RANBP2: variants seen among roughly 807,000 people sequenced by gnomAD.
RANBP2 encodes RAN binding protein 2.
In RANBP2, 57 loss-of-function variants were observed where a neutral mutation model predicts 303.6. The ratio of observed to expected loss-of-function variants is 0.19; its 90% CI spans 0.15 to 0.23. RANBP2 has a LOEUF of 0.23. Among genes scored for constraint, RANBP2 ranks in the 10% least tolerant of loss-of-function variants. RANBP2 has a pLI of 1.00. For missense variants in RANBP2, 3,138 were observed against 3,780.8 expected (o/e 0.83, Z 4.46); for synonymous variants, 1,167 against 1,301.5 (o/e 0.90, Z 2.23).
chr2:109,010,613 G>T, the RANBP2 span, among the ~76,000 whole-genome samples: 1 of 152,116 alleles, frequency 6.6e-6, no homozygotes, highest in Admixed American at 6.5e-5. Context: ...GAGCTCTGGG[G>T]TCTCTTCTCT....
chr2:109,347,406 A>G, the RANBP2 span, among the ~76,000 whole-genome samples: 1 of 152,058 alleles, frequency 6.6e-6, no homozygotes, highest in African/African-American at 2.4e-5. Flanking sequence ...TTTGCACAGA[A>G]TGAGGTTGTC....
At chr2:109,385,127 G>A in the RANBP2 span, among the ~76,000 whole-genome samples, 2 of 152,174 alleles carry the variant, frequency 1.3e-5, no homozygotes, top group Non-Finnish European at 2.9e-5. Context: ...CCCTGCCCAC[G>A]TTGGCATCAG....
At chr2:109,737,712 T>C in the RANBP2 span, among the ~76,000 whole-genome samples, 1 of 152,324 alleles carries the variant, frequency 6.6e-6, no homozygotes, top group East Asian at 1.9e-4. Flanking sequence ...AAGAATTCCC[T>C]TTAATCTGCA....
At chr2:109,252,680 C>T in the RANBP2 span, among the ~76,000 whole-genome samples, 1 of 152,220 alleles carries the variant, frequency 6.6e-6, no homozygotes, top group Non-Finnish European at 1.5e-5. Flanking sequence ...CCTCATAGCT[C>T]AGCCTAGCCT....
chr2:109,184,886 C>T, the RANBP2 span, among the ~76,000 whole-genome samples: 2 of 152,074 alleles, frequency 1.3e-5, no homozygotes, highest in African/African-American at 2.4e-5. Flanking sequence ...GGTCCCTCAG[C>T]GAAAAAGGCC....
At chr2:109,674,157 T>C in the RANBP2 span, among the ~76,000 whole-genome samples, 3 of 152,136 alleles carry the variant, frequency 2.0e-5, no homozygotes, top group Admixed American at 6.5e-5. Flanking sequence ...TGTTTCTTGA[T>C]GCCAGCTTCT....
chr2:109,418,338 T>C, the RANBP2 span, among the ~76,000 whole-genome samples: 2 of 152,028 alleles, frequency 1.3e-5, no homozygotes, highest in Non-Finnish European at 2.9e-5. Flanking sequence ...TACCACAAAC[T>C]AGGTGGCTAA....
rs375351925 is a variant in RANBP2, at chr2:108,764,124, T to C, written c.3585T>C (p.Phe1195=). 59 of 1,613,936 alleles carry C rather than the reference T, an allele frequency of 3.7e-5. No homozygotes were observed. The highest frequency in any genetic ancestry group is 1.6e-4 in the Middle Eastern group (1 of 6,084). ...KTGEEDEEEF[F]CNRAKLFRFD... ...GTGAGGAAGATGAAGAAGAATTCTT[T>C]TGCAACCGCGCGAAATTGTTTCGTT... Residue 1195 remains phenylalanine, a synonymous_variant, in exon 20 of 29, where the codon TTT becomes TTC. Coordinates refer to ENST00000283195, the MANE Select transcript of RANBP2 (RefSeq NM_006267.5).
At chr2:109,287,212 C>G in the RANBP2 span, among the ~76,000 whole-genome samples, 2 of 152,078 alleles carry the variant, frequency 1.3e-5, no homozygotes, top group African/African-American at 4.8e-5. Flanking sequence ...TTAAATTTTT[C>G]CAAGGGACTT....
chr2:109,446,439 A>G, the RANBP2 span, among the ~76,000 whole-genome samples: 46 of 152,328 alleles, frequency 3.0e-4, no homozygotes, highest in African/African-American at 1.1e-3. Context: ...TCCAGCGAAC[A>G]TGTAAATTAC....
chr2:108,929,440 G>C, the RANBP2 span: 1 of 1,553,968 alleles, frequency 6.4e-7, no homozygotes, highest in East Asian at 2.2e-5. Flanking sequence ...ATACGGACTC[G>C]GCCCACAGTC....
chr2:109,607,186 A>C, the RANBP2 span, among the ~76,000 whole-genome samples: 117 of 152,316 alleles, frequency 7.7e-4, no homozygotes, highest in African/African-American at 2.8e-3. Flanking sequence ...TCACACAAAT[A>C]ATTTGTATTT....
chr2:109,161,819 T>A, the RANBP2 span, among the ~76,000 whole-genome samples: 1 of 151,940 alleles, frequency 6.6e-6, no homozygotes, highest in Admixed American at 6.6e-5. Context: ...TCATAGGGGA[T>A]GCAAATACCT....
the RANBP2 span, among the ~76,000 whole-genome samples, chr2:109,336,406 T>A: frequency 2.6e-5 from 4 of 152,338 alleles, no homozygotes; most frequent in Non-Finnish European, 5.9e-5. Context: ...CTCACTAGCA[T>A]GCAAAATACA....
the RANBP2 span, among the ~76,000 whole-genome samples, chr2:109,641,807 T>C: frequency 1.3e-5 from 2 of 152,118 alleles, no homozygotes; most frequent in East Asian, 3.9e-4. Context: ...AATGTGAATG[T>C]ATTTTATTTT....
At chr2:108,901,369 G>A in the RANBP2 span, among the ~76,000 whole-genome samples, 1 of 152,066 alleles carries the variant, frequency 6.6e-6, no homozygotes, top group Non-Finnish European at 1.5e-5. Flanking sequence ...TACATACAAA[G>A]GAGGAAAACT....
At chr2:109,591,192 G>A in the RANBP2 span, among the ~76,000 whole-genome samples, 1 of 152,192 alleles carries the variant, frequency 6.6e-6, no homozygotes, top group South Asian at 2.1e-4. Context: ...CCTCGTGAAA[G>A]TGTTCAAGAT....
the RANBP2 span, among the ~76,000 whole-genome samples, chr2:109,447,147 TAAAAAAAAAA>T: frequency 3.6e-5 from 3 of 82,704 alleles, no homozygotes; most frequent in Middle Eastern, 8.3e-3. Context: ...CCTGAATATT[TAAAAAAAAAA>T]AAAAAAAAAA....
the RANBP2 span, among the ~76,000 whole-genome samples, chr2:109,297,724 C>T: frequency 4.7e-5 from 7 of 150,488 alleles, no homozygotes; most frequent in East Asian, 2.0e-4. Context: ...CAACTGGGTC[C>T]GTGCCTCCCA....
Sources: gnomAD v4.1 joint callset for allele counts (sites outside exome capture counted in the v4.1 genomes callset) on GRCh38, gnomAD v4.1.1 for gene constraint, MANE v1.5 for transcripts, NCBI Gene and HGNC (gene_info 2026-07-23, HGNC 2026-07-21) for gene names.